The following DGKG variants were observed in gnomAD, a reference collection of about 807,000 sequenced individuals.
The protein encoded by DGKG is diacylglycerol kinase gamma.
In DGKG, 78 loss-of-function variants were observed where a neutral mutation model predicts 105.3. That is an observed-to-expected ratio of 0.74 (90% CI 0.62 to 0.89). The LOEUF is 0.89. Ranked by LOEUF, DGKG falls within the 40% of genes least tolerant of loss-of-function variation. DGKG has a pLI of 0.00. For synonymous variants in DGKG, 346 were observed against 367.1 expected (o/e 0.94, Z 0.66); for missense variants, 958 against 1,020.1 (o/e 0.94, Z 0.83).
At chr3:186,331,071 C>T (rs936994971) in intron 1 of DGKG, among the ~76,000 whole-genome samples, 2 of 152,180 alleles carry the variant, frequency 1.3e-5, no homozygotes, top group Non-Finnish European at 2.9e-5. Flanking sequence ...CTAAAAATAC[C>T]TTCGATGCAA....
At chr3:186,353,632 A>ATATCTATATCTATGTCTATG (rs1726752061) in intron 1 of DGKG, among the ~76,000 whole-genome samples, 3 of 128,046 alleles carry the variant, frequency 2.3e-5, no homozygotes, top group African/African-American at 6.4e-5. Flanking sequence ...CTCTATCTAT[A>ATATCTATATCTATGTCTATG]TCTATATCTA....
chr3:186,187,424 G>A (rs558012095), intron 22 of DGKG, among the ~76,000 whole-genome samples: 7 of 152,366 alleles, frequency 4.6e-5, no homozygotes, highest in Admixed American at 2.0e-4. Flanking sequence ...TGGCTCTTGT[G>A]ATGGGAAGGC....
intron 17 of DGKG, among the ~76,000 whole-genome samples, chr3:186,253,583 A>C (rs960842504): frequency 2.6e-5 from 4 of 152,206 alleles, no homozygotes; most frequent in African/African-American, 9.7e-5. Context: ...TCCTCCTTCA[A>C]GTAGCTGAAG....
chr3:186,293,696 C>T (rs1723413602), intron 5 of DGKG, among the ~76,000 whole-genome samples: 1 of 152,182 alleles, frequency 6.6e-6, no homozygotes, highest in Admixed American at 6.5e-5. Flanking sequence ...TCTGATAGGC[C>T]TAGACAGGCC....
At chr3:186,282,622 C>T (rs1192740446) in intron 7 of DGKG, among the ~76,000 whole-genome samples, 1 of 152,024 alleles carries the variant, frequency 6.6e-6, no homozygotes, top group Non-Finnish European at 1.5e-5. Flanking sequence ...AAGTGATTCT[C>T]CCATCTCAGC....
intron 21 of DGKG, among the ~76,000 whole-genome samples, chr3:186,208,655 T>C (rs1027587492): frequency 1.3e-5 from 2 of 152,212 alleles, no homozygotes; most frequent in Admixed American, 6.5e-5. Context: ...TCCTCCTCTC[T>C]GACTCTCTCT....
chr3:186,277,158 C>T (rs777124249), intron 9 of DGKG, among the ~76,000 whole-genome samples: 9 of 152,064 alleles, frequency 5.9e-5, no homozygotes, highest in Non-Finnish European at 1.0e-4. Context: ...TTCATTTATT[C>T]GTTTGACCAA....
intron 20 of DGKG, among the ~76,000 whole-genome samples, chr3:186,220,906 G>A (rs1394769695): frequency 1.3e-5 from 2 of 152,134 alleles, no homozygotes; most frequent in African/African-American, 4.8e-5. Flanking sequence ...TAGGATCTCC[G>A]AATTCTGTCT....
chr3:186,352,826 G>T (rs1726698300), intron 1 of DGKG, among the ~76,000 whole-genome samples: 3 of 152,080 alleles, frequency 2.0e-5, no homozygotes, highest in Non-Finnish European at 4.4e-5. Context: ...TAAGACAGCA[G>T]CCTGAGGGGT....
intron 1 of DGKG, among the ~76,000 whole-genome samples, chr3:186,347,853 G>A (rs1726421589): frequency 6.6e-6 from 1 of 152,134 alleles, no homozygotes; most frequent in Non-Finnish European, 1.5e-5. Context: ...GAAGCGCTGG[G>A]ATTACAGGCA....
chr3:186,155,385 G>A lies in DGKG; in HGVS notation c.2278-5197C>T, dbSNP rs1459344686. Among the ~76,000 whole-genome samples, 5 of 152,140 alleles carry A rather than the reference G, an allele frequency of 3.3e-5. No individual in the cohort carries two copies. The East Asian group carries it at 7.7e-4, about 24-fold the overall frequency. ...TTTTTTATATTTTCAGTACAGACGA[G>A]GTTTCACTATGTTGGCCAGGCTGGT... On this transcript the variant is annotated intron_variant, in intron 24 of 24. Coordinates refer to ENST00000265022, the MANE Select transcript of DGKG (RefSeq NM_001346.3).
At chr3:186,163,013 T>G (rs1057096873) in intron 23 of DGKG, among the ~76,000 whole-genome samples, 2 of 152,078 alleles carry the variant, frequency 1.3e-5, no homozygotes, top group African/African-American at 2.4e-5. Context: ...GGCATATGAA[T>G]TTTTTAAAAA....
chr3:186,156,155 A>G (rs1716026205), intron 24 of DGKG, among the ~76,000 whole-genome samples: 1 of 152,190 alleles, frequency 6.6e-6, no homozygotes, highest in Admixed American at 6.5e-5. Flanking sequence ...TAACAGTCAA[A>G]TATGTCCCTT....
chr3:186,274,419 G>C (rs1295553431), intron 10 of DGKG, among the ~76,000 whole-genome samples: 1 of 151,644 alleles, frequency 6.6e-6, no homozygotes, highest in Non-Finnish European at 1.5e-5. Flanking sequence ...TTAAGTTCTA[G>C]GGTACATGTG....
chr3:186,224,433 C>T (rs1397591364), intron 20 of DGKG, among the ~76,000 whole-genome samples: 1 of 152,156 alleles, frequency 6.6e-6, no homozygotes, highest in African/African-American at 2.4e-5. Flanking sequence ...ACCAGGATTC[C>T]TCCAAATGTG....
chr3:186,265,219 G>A, intron 14 of DGKG, 28 bp downstream of exon 14: 3 of 1,611,562 alleles, frequency 1.9e-6, no homozygotes, highest in Non-Finnish European at 2.5e-6. Flanking sequence ...CTTAGAAGGT[G>A]CAATCGGATT....
At position 186,261,749 on chromosome 3, in the gene DGKG, G is replaced by A. The variant is rs761382559; in HGVS notation, c.1299C>T (p.His433=). The A allele has an allele frequency of 2.5e-6, 4 of 1,607,534 alleles. No individual in the cohort carries two copies. The highest frequency in any genetic ancestry group is 3.4e-5 in the Admixed American group (2 of 59,568). The stretch of plus-strand genomic sequence containing the variant: ...TGGGGTTCACCAAGACCAGCAGGGG[G>A]TGGGTACCCGGGGTGGGGATGATCT... ...QYKIIPTPGT[H]PLLVLVNPKS... The change falls in exon 15 of 25, where the codon CAC becomes CAT. Residue 433 remains histidine (H), a synonymous_variant. Transcript: ENST00000265022.
chr3:186,241,348 T>C (rs1038215225), intron 20 of DGKG, among the ~76,000 whole-genome samples: 7 of 151,600 alleles, frequency 4.6e-5, no homozygotes, highest in African/African-American at 1.5e-4. Context: ...AGGTCAGGAG[T>C]TTGAGACCAG....
At chr3:186,221,348 A>G (rs1719569352) in intron 20 of DGKG, among the ~76,000 whole-genome samples, 1 of 151,044 alleles carries the variant, frequency 6.6e-6, no homozygotes, top group Admixed American at 6.6e-5. Flanking sequence ...CCAAAAAGAA[A>G]AAAGAAAGAA....
Sources: gnomAD v4.1 joint callset for allele counts (sites outside exome capture counted in the v4.1 genomes callset) on GRCh38, gnomAD v4.1.1 for gene constraint, MANE v1.5 for transcripts, NCBI Gene and HGNC (gene_info 2026-07-23, HGNC 2026-07-21) for gene names.